Variants in RHOF observed in about 807,000 individuals in gnomAD.
RHOF encodes ras homolog family member F, filopodia associated.
A neutral mutation model predicts 22.2 loss-of-function variants in RHOF; 21 were observed. That is an observed-to-expected ratio of 0.95 (90% confidence interval 0.67 to 1.36). RHOF has a LOEUF of 1.36. Ranked by LOEUF, RHOF falls within the 40% of genes most tolerant of loss-of-function variation. The probability of loss-of-function intolerance (pLI) is 0.00; values close to 1 mark genes in which losing one functional copy is unlikely to be tolerated. For missense variants in RHOF, 285 were observed against 293.7 expected (o/e 0.97, Z 0.22); for synonymous variants, 135 against 131.2 (o/e 1.03, Z -0.20).
At chr12:121,789,896 C>A (rs927739306) in intron 2 of RHOF, among the ~76,000 whole-genome samples, 3 of 152,230 alleles carry the variant, frequency 2.0e-5, no homozygotes, top group Admixed American at 2.0e-4. Flanking sequence ...AACCCTGGAC[C>A]CCACACCTTG....
intron 2 of RHOF, among the ~76,000 whole-genome samples, chr12:121,786,228 G>C (rs1430678573): frequency 1.3e-5 from 2 of 151,306 alleles, no homozygotes; most frequent in African/African-American, 2.4e-5. Flanking sequence ...CCTTTTTTCT[G>C]TATTTTTAGT....
At chr12:121,781,312 C>CGTAT in intron 2 of RHOF, 120 bp from the exon 3 acceptor site, 1 of 804,214 alleles carries the variant, frequency 1.2e-6, no homozygotes, top group Non-Finnish European at 2.0e-6. Context: ...CTCATCTATA[C>CGTAT]AATGGGCAGC....
intron 2 of RHOF, chr12:121,782,265 T>A (rs1472393677): frequency 6.6e-6 from 1 of 152,312 alleles, no homozygotes; most frequent in African/African-American, 2.4e-5. Context: ...GCATGGACTC[T>A]GCATTCTAAT....
Position 121,779,260 on chromosome 12 carries a change from A to G in RHOF, c.*238T>C, listed in dbSNP as rs1475832064. 5 of 564,058 alleles carry G rather than the reference A, an allele frequency of 8.9e-6. No homozygotes were observed. Among genetic ancestry groups the G allele is most frequent in the Non-Finnish European group, 9.5e-6 (3 of 315,192 alleles). 34.9% of individuals were successfully genotyped at this position (564,058 alleles called of 1,614,324 possible). On this transcript the variant is annotated 3_prime_UTR_variant, in exon 5 of 5. Transcript: ENST00000267205. ...GTGATGAGGGCACTTGCGAGTCCCGACAACAGACACTGGCTCCTGCACCCA... is the reference window on the plus strand; with the variant it reads ...GTGATGAGGGCACTTGCGAGTCCCGGCAACAGACACTGGCTCCTGCACCCA...
At chr12:121,789,374 G>A (rs773894114) in intron 2 of RHOF, among the ~76,000 whole-genome samples, 2 of 152,116 alleles carry the variant, frequency 1.3e-5, no homozygotes, top group Admixed American at 6.5e-5. Flanking sequence ...AGGGCTGGGC[G>A]GAAGGGAGGC....
In RHOF at chr12:121,778,065, A is replaced by C. The variant is rs1874302619; in HGVS notation, c.*1433T>G. The C allele has an allele frequency of 6.6e-6, 1 of 152,054 alleles. No individual in the cohort carries two copies. Among genetic ancestry groups the C allele is most frequent in the Non-Finnish European group, 1.5e-5 (1 of 68,018 alleles). 9.4% of individuals were successfully genotyped at this position (152,054 alleles called of 1,614,324 possible). A position where few individuals can be genotyped will look rare whatever the true frequency, so the allele number is the denominator to read the frequency against. The stretch of plus-strand genomic sequence containing the variant: ...AGGCTAGGAGTTGCCTGAAGCCATT[A>C]TCCCATCTTAGGCGACACCGACTCC... On this transcript the variant is annotated 3_prime_UTR_variant, in exon 5 of 5. Transcript: ENST00000267205.
intron 2 of RHOF, chr12:121,783,072 T>C (rs1225789196): frequency 6.6e-6 from 1 of 152,280 alleles, no homozygotes; most frequent in Non-Finnish European, 1.5e-5. Flanking sequence ...AATGCAGTGA[T>C]TGGGGCAGGT....
intron 2 of RHOF, 57 bp from the exon 3 acceptor site, chr12:121,781,249 C>T (rs1056847980): frequency 1.4e-4 from 211 of 1,514,146 alleles, no homozygotes; most frequent in Non-Finnish European, 1.6e-4. Context: ...TGGACTCTGA[C>T]GGGTGAAGGG....
chr12:121,786,122 G>A (rs565401779), intron 2 of RHOF, among the ~76,000 whole-genome samples: 13 of 150,966 alleles, frequency 8.6e-5, no homozygotes, highest in Non-Finnish European at 1.5e-4. Flanking sequence ...GGGTTTCACC[G>A]TGTAAGCCAG....
Position 121,793,685 on chromosome 12 carries a change from A to T in RHOF, c.-52T>A. The T allele has an allele frequency of 6.9e-7, 1 of 1,456,484 alleles. No homozygotes were observed. 90.2% of individuals were successfully genotyped at this position (1,456,484 alleles called of 1,614,324 possible). On this transcript the variant is annotated 5_prime_UTR_variant, in exon 1 of 5. It adds an upstream start codon to the 5' untranslated region. Transcript: ENST00000267205. ...GGCGCGCCGGGCACTAGCGGAGCCA[A>T]GAGGTCGGGGGCGGGGCGGGGCCGG...
intron 4 of RHOF, 178 bp downstream of exon 4, chr12:121,780,694 G>A: frequency 1.5e-6 from 1 of 684,130 alleles, no homozygotes; most frequent in African/African-American, 1.8e-5. Flanking sequence ...AGGATTGGGA[G>A]TAGTCGTGTA....
intron 2 of RHOF, among the ~76,000 whole-genome samples, chr12:121,788,389 A>G (rs768549917): frequency 7.9e-5 from 12 of 151,994 alleles, no homozygotes; most frequent in Non-Finnish European, 1.8e-4. Context: ...CTCCGACTCC[A>G]GCACCTCCTC....
intron 2 of RHOF, among the ~76,000 whole-genome samples, chr12:121,784,953 G>T (rs566423806): frequency 6.6e-6 from 1 of 152,266 alleles, no homozygotes; most frequent in East Asian, 1.9e-4. Flanking sequence ...TAGATACGCT[G>T]TTTTTTTCTA....
At position 121,779,492 on chromosome 12, in the gene RHOF, C is replaced by T. The variant is rs1874362331; in HGVS notation, c.*6G>A. 6.2e-7 allele frequency: 1 copy of T among 1,610,672 alleles called. No homozygotes were observed. Among genetic ancestry groups the T allele is most frequent in the African/African-American group, 1.3e-5 (1 of 74,934 alleles). On this transcript the variant is annotated 3_prime_UTR_variant, in exon 5 of 5. Coordinates refer to ENST00000267205, the MANE Select transcript of RHOF (RefSeq NM_019034.3). ...CAGTGCTGTCGTGAGGTCTGTCTGC[C>T]CTGGGTCAGAGCAGCAGGCAGAGCC...
intron 2 of RHOF, among the ~76,000 whole-genome samples, chr12:121,792,827 G>T (rs1259468235): frequency 6.6e-6 from 1 of 152,258 alleles, no homozygotes; most frequent in African/African-American, 2.4e-5. Context: ...ACAGCAGGTA[G>T]CGCAGCAATC....
intron 2 of RHOF, among the ~76,000 whole-genome samples, chr12:121,784,847 A>G (rs1306692573): frequency 6.6e-6 from 1 of 152,208 alleles, no homozygotes; most frequent in East Asian, 1.9e-4. Context: ...CCCTTTTACA[A>G]ATATGGCCGG....
At chr12:121,785,904 C>T (rs929373803) in intron 2 of RHOF, among the ~76,000 whole-genome samples, 23 of 136,310 alleles carry the variant, frequency 1.7e-4, no homozygotes, top group Admixed American at 3.7e-4. Context: ...GAGCCACGTG[C>T]CCAGCCTTTT....
chr12:121,790,823 C>T (rs535241187), intron 2 of RHOF, among the ~76,000 whole-genome samples: 15 of 152,306 alleles, frequency 9.8e-5, no homozygotes, highest in Admixed American at 4.6e-4. Flanking sequence ...TTCCAAAGCA[C>T]AGGCTTGAGC....
At chr12:121,785,384 C>T in intron 2 of RHOF, among the ~76,000 whole-genome samples, 1 of 151,816 alleles carries the variant, frequency 6.6e-6, no homozygotes, top group East Asian at 1.9e-4. Context: ...TAAAATGGGG[C>T]CCCCTTGGAC....
Sources: gnomAD v4.1 joint callset for allele counts (sites outside exome capture counted in the v4.1 genomes callset) on GRCh38, gnomAD v4.1.1 for gene constraint, MANE v1.5 for transcripts, NCBI Gene and HGNC (gene_info 2026-07-23, HGNC 2026-07-21) for gene names.